Variants in RCAN2 observed in about 807,000 individuals in gnomAD.
RCAN2 encodes calcipressin-2.
Under a neutral mutation model 23.6 loss-of-function variants are expected in RCAN2, and 9 were observed. The ratio of observed to expected loss-of-function variants is 0.38; its 90% CI spans 0.23 to 0.67. The LOEUF is 0.67. RCAN2 is among the 30% of genes least tolerant of loss of function. RCAN2 has a pLI of 0.51. For missense variants in RCAN2, 273 were observed against 302.3 expected, an observed-to-expected ratio of 0.90 and a Z score of 0.72; for synonymous variants, 109 against 115.7, an observed-to-expected ratio of 0.94 and a Z score of 0.37.
intron 2 of RCAN2, among the ~76,000 whole-genome samples, chr6:46,336,773 A>G (rs1764157346): frequency 6.6e-6 from 1 of 152,252 alleles, no homozygotes; most frequent in Non-Finnish European, 1.5e-5. Flanking sequence ...TGGTGACTCC[A>G]AAACTCTTGC....
chr6:46,379,999 A>G (rs925875854), intron 2 of RCAN2, among the ~76,000 whole-genome samples: 3 of 152,166 alleles, frequency 2.0e-5, no homozygotes, highest in Non-Finnish European at 4.4e-5. Context: ...TCAAGTTCAA[A>G]TGTGTATACT....
At chr6:46,376,603 C>G (rs1249308582) in intron 2 of RCAN2, among the ~76,000 whole-genome samples, 1 of 152,122 alleles carries the variant, frequency 6.6e-6, no homozygotes, top group Non-Finnish European at 1.5e-5. Context: ...TCGCTTGAAC[C>G]TGGGAGGTGG....
rs528400816 is a variant in RCAN2, at chr6:46,345,264, A to G, written c.226-96368T>C. On this transcript the variant is annotated intron_variant, in intron 2 of 4. Coordinates refer to ENST00000371374, the MANE Select transcript of RCAN2 (RefSeq NM_001251974.2). The stretch of plus-strand genomic sequence containing the variant: ...TTCAAAATACATGAAACAGAATTTG[A>G]CAGAACTAAAGAGAAAAGTACAGAT... Among the ~76,000 whole-genome samples, 3 of 152,182 alleles carry G rather than the reference A, an allele frequency of 2.0e-5. No individual in the cohort carries two copies. The East Asian group carries it at 5.8e-4, about 29-fold the overall frequency.
intron 2 of RCAN2, among the ~76,000 whole-genome samples, chr6:46,260,105 TC>T (rs1767061589): frequency 6.6e-6 from 1 of 152,014 alleles, no homozygotes; most frequent in South Asian, 2.1e-4. Flanking sequence ...TCAGCATCTC[TC>T]CCCTTCCCAG....
intron 2 of RCAN2, among the ~76,000 whole-genome samples, chr6:46,357,907 T>A (rs1473491711): frequency 1.3e-5 from 2 of 152,142 alleles, no homozygotes; most frequent in Non-Finnish European, 2.9e-5. Flanking sequence ...AGGAAGAAAT[T>A]TAGGTGAAGT....
intron 1 of RCAN2, among the ~76,000 whole-genome samples, chr6:46,458,644 T>G (rs968847349): frequency 1.3e-5 from 2 of 152,148 alleles, no homozygotes; most frequent in African/African-American, 2.4e-5. Flanking sequence ...TATATGAATA[T>G]TTTTAACTAG....
chr6:46,476,339 G>A (rs918291377), intron 1 of RCAN2, among the ~76,000 whole-genome samples: 5 of 152,240 alleles, frequency 3.3e-5, no homozygotes, highest in Non-Finnish European at 5.9e-5. Flanking sequence ...ATAAAGCTAG[G>A]TAGCATTATT....
At chr6:46,388,132 T>A (rs1765815141) in intron 2 of RCAN2, among the ~76,000 whole-genome samples, 1 of 151,918 alleles carries the variant, frequency 6.6e-6, no homozygotes, top group Admixed American at 6.6e-5. Flanking sequence ...AGGGAAAGCA[T>A]TAGGAGATAT....
At chr6:46,460,833 T>A (rs1365366671) in intron 1 of RCAN2, among the ~76,000 whole-genome samples, 1 of 152,202 alleles carries the variant, frequency 6.6e-6, no homozygotes, top group Non-Finnish European at 1.5e-5. Context: ...AATGTCCAAC[T>A]TAAAATGTAT....
chr6:46,386,562 C>T (rs1306864472), intron 2 of RCAN2, among the ~76,000 whole-genome samples: 2 of 143,486 alleles, frequency 1.4e-5, no homozygotes, highest in African/African-American at 2.5e-5. Flanking sequence ...GAGCCGAGAT[C>T]GCGCCACTGT....
chr6:46,384,402 G>A (rs1432852946), intron 2 of RCAN2, among the ~76,000 whole-genome samples: 1 of 152,160 alleles, frequency 6.6e-6, no homozygotes, highest in Non-Finnish European at 1.5e-5. Flanking sequence ...TAGCAAACAT[G>A]GAATATCTTT....
chr6:46,477,387 T>C (rs193187502), intron 1 of RCAN2, among the ~76,000 whole-genome samples: 19 of 152,312 alleles, frequency 1.2e-4, no homozygotes, highest in Admixed American at 1.2e-3. Flanking sequence ...ACATAAAAGC[T>C]AGAATCAAAT....
chr6:46,227,522 A>G lies in RCAN2; in HGVS notation c.572-4221T>C, dbSNP rs1219189499. ...TTCTGTTTAAGTCTTGGGAGGGTGT[A>G]TGTGTCCAGGAATTTATCCATATCT... On this transcript the variant is annotated intron_variant, in intron 4 of 4. Transcript: ENST00000371374. 2.6e-5 allele frequency among the ~76,000 whole-genome samples: 4 copies of G among 151,710 alleles called. No homozygotes were observed. The East Asian group carries it at 5.8e-4, about 22-fold the overall frequency.
chr6:46,305,761 C>T (rs1763044306), intron 2 of RCAN2, among the ~76,000 whole-genome samples: 1 of 151,930 alleles, frequency 6.6e-6, no homozygotes, highest in African/African-American at 2.4e-5. Flanking sequence ...GGAGGGGGAC[C>T]AAGACCATCA....
At chr6:46,262,676 A>G (rs1767151988) in intron 2 of RCAN2, among the ~76,000 whole-genome samples, 1 of 152,182 alleles carries the variant, frequency 6.6e-6, no homozygotes, top group African/African-American at 2.4e-5. Context: ...GGCTCCCCAC[A>G]GCTTTTAGAA....
At chr6:46,340,768 G>A (rs1051755795) in intron 2 of RCAN2, among the ~76,000 whole-genome samples, 1 of 152,210 alleles carries the variant, frequency 6.6e-6, no homozygotes, top group African/African-American at 2.4e-5. Flanking sequence ...GTATGTACAT[G>A]TGTGTGTGTT....
At chr6:46,382,113 G>A (rs1472331271) in intron 2 of RCAN2, among the ~76,000 whole-genome samples, 1 of 152,150 alleles carries the variant, frequency 6.6e-6, no homozygotes, top group Non-Finnish European at 1.5e-5. Flanking sequence ...GGAGAGCTGG[G>A]CATTAGATTG....
chr6:46,399,472 G>T (rs1210216129), intron 2 of RCAN2, among the ~76,000 whole-genome samples: 2 of 150,786 alleles, frequency 1.3e-5, no homozygotes, highest in East Asian at 2.0e-4. Flanking sequence ...AGGTGTATTT[G>T]TTTCTCTGGA....
At chr6:46,437,571 A>G (rs1235934615) in intron 2 of RCAN2, among the ~76,000 whole-genome samples, 3 of 152,210 alleles carry the variant, frequency 2.0e-5, no homozygotes, top group Non-Finnish European at 2.9e-5. Context: ...GTTTCCAGCT[A>G]TAAGTACTTT....
Sources: allele counts gnomAD v4.1 joint callset (sites outside exome capture counted in the v4.1 genomes callset), GRCh38; gene constraint gnomAD v4.1.1; transcripts MANE v1.5; gene names NCBI Gene and HGNC (gene_info 2026-07-23, HGNC 2026-07-21).